SLC25A48: variants seen among roughly 807,000 people sequenced by gnomAD.
SLC25A48 encodes CTC-321K16.1.
Under a neutral mutation model 32.2 loss-of-function variants are expected in SLC25A48, and 29 were observed. That is an observed-to-expected ratio of 0.90 (90% confidence interval 0.67 to 1.23). The LOEUF (loss-of-function observed/expected upper bound fraction) is 1.23, where lower values mean the gene tolerates loss of function less well. SLC25A48 is among the 50% of genes most tolerant of loss of function. The pLI, the probability that SLC25A48 is intolerant of heterozygous loss-of-function variation, is 0.00. For missense variants in SLC25A48, 399 were observed against 422.7 expected (o/e 0.94, Z 0.49); for synonymous variants, 164 against 172.3 (o/e 0.95, Z 0.38).
intron 3 of SLC25A48, chr5:135,652,224 A>G (rs1170550088): frequency 5.2e-6 from 2 of 386,420 alleles, no homozygotes; most frequent in East Asian, 1.4e-4. Context: ...AGCCCCTGAT[A>G]TGACACCATT....
At chr5:135,820,120 C>A (rs6859042) in intron 4 of SLC25A48, among the ~76,000 whole-genome samples, 5 of 152,056 alleles carry the variant, frequency 3.3e-5, no homozygotes, top group African/African-American at 7.2e-5. Context: ...AGACTTGTAC[C>A]TAACCATTTC....
At chr5:135,738,575 C>G (rs905069841) in intron 3 of SLC25A48, among the ~76,000 whole-genome samples, 22 of 152,118 alleles carry the variant, frequency 1.4e-4, no homozygotes, top group African/African-American at 5.3e-4. Flanking sequence ...TGGTTTAGTC[C>G]CAACTTTTAG....
At chr5:135,628,781 C>T (rs1019249936) in intron 1 of SLC25A48, among the ~76,000 whole-genome samples, 1 of 152,140 alleles carries the variant, frequency 6.6e-6, no homozygotes, top group African/African-American at 2.4e-5. Flanking sequence ...CTCTTTCATT[C>T]CCACCTGTCC....
chr5:135,794,492 C>T (rs999340334), intron 3 of SLC25A48, among the ~76,000 whole-genome samples: 7 of 151,810 alleles, frequency 4.6e-5, no homozygotes, highest in Admixed American at 3.3e-4. Flanking sequence ...CTTTCAGCAT[C>T]GCAGTGGGTG....
intron 4 of SLC25A48, among the ~76,000 whole-genome samples, chr5:135,860,396 T>C (rs999029881): frequency 6.6e-6 from 1 of 152,212 alleles, no homozygotes; most frequent in African/African-American, 2.4e-5. Flanking sequence ...AAGCCTGATG[T>C]GTAAGCTTCA....
In SLC25A48 at chr5:135,786,615, C is replaced by T. The variant is rs181420593; in HGVS notation, c.-520-25908C>T. On this transcript the variant is annotated intron_variant, in intron 3 of 10. Transcript: ENST00000646290. ...TGTCACAGTGATTGTACACAATGTA[C>T]GGTTACCCCTAGTGATACTAATTGT... Among the ~76,000 whole-genome samples, 11 of 151,778 alleles carry T rather than the reference C, an allele frequency of 7.2e-5. No homozygotes were observed. In the East Asian group the frequency reaches 1.4e-3, roughly 19 times the overall value.
At chr5:135,845,038 A>G (rs570021508) in intron 2 of SLC25A48, among the ~76,000 whole-genome samples, 10 of 152,374 alleles carry the variant, frequency 6.6e-5, no homozygotes, top group Non-Finnish European at 1.3e-4. Context: ...GCTGTAACAA[A>G]TAACCACAAA....
chr5:135,853,086 G>A (rs1420265916), intron 4 of SLC25A48, among the ~76,000 whole-genome samples: 4 of 152,226 alleles, frequency 2.6e-5, no homozygotes, highest in Non-Finnish European at 5.9e-5. Flanking sequence ...TGTAGTCTAA[G>A]TGTGCAATGG....
At chr5:135,586,089 GAGGAGAAGGTTAAGTATGTTGCCCAAAAT>G (rs1751359794) in intron 1 of SLC25A48, among the ~76,000 whole-genome samples, 1 of 152,188 alleles carries the variant, frequency 6.6e-6, no homozygotes, top group South Asian at 2.1e-4. Flanking sequence ...TGAGGAAACT[GAGGAGAAGGTTAAGTATGTTGCCCAAAAT>G]AACTACCAAG....
chr5:135,762,567 A>G (rs527371398), intron 3 of SLC25A48, among the ~76,000 whole-genome samples: 1 of 152,254 alleles, frequency 6.6e-6, no homozygotes, highest in South Asian at 2.1e-4. Context: ...TATATGCTAT[A>G]TGGGTATATT....
At chr5:135,590,242 T>C (rs771946012) in intron 1 of SLC25A48, among the ~76,000 whole-genome samples, 9 of 152,172 alleles carry the variant, frequency 5.9e-5, no homozygotes, top group Non-Finnish European at 1.2e-4. Context: ...GTGAACTGAC[T>C]CCCAGGGAAC....
At chr5:135,796,370 T>C (rs1418350142) in intron 3 of SLC25A48, among the ~76,000 whole-genome samples, 3 of 148,290 alleles carry the variant, frequency 2.0e-5, no homozygotes, top group Non-Finnish European at 3.0e-5. Flanking sequence ...TAGGGGAGAG[T>C]GTGATATCAC....
chr5:135,851,831 G>C (rs7721974), intron 3 of SLC25A48, among the ~76,000 whole-genome samples: 80,878 of 151,994 alleles, frequency 0.53, 22,322 homozygotes, highest in East Asian at 0.69. Flanking sequence ...CAAGAATGCC[G>C]TGTGGAAGGG....
chr5:135,614,909 G>A (rs576896288), intron 1 of SLC25A48, among the ~76,000 whole-genome samples: 1 of 152,100 alleles, frequency 6.6e-6, no homozygotes, highest in Non-Finnish European at 1.5e-5. Flanking sequence ...TTGTTTAAAA[G>A]TGTGTAGCAC....
At chr5:135,685,014 C>T (rs2126953442) in intron 3 of SLC25A48, among the ~76,000 whole-genome samples, 1 of 152,330 alleles carries the variant, frequency 6.6e-6, no homozygotes. Flanking sequence ...TCAGTTTACA[C>T]TCTCACGAGC....
At chr5:135,656,867 G>C (rs569599698) in intron 3 of SLC25A48, among the ~76,000 whole-genome samples, 10 of 152,316 alleles carry the variant, frequency 6.6e-5, no homozygotes, top group African/African-American at 2.4e-4. Flanking sequence ...ACATGTTTCT[G>C]AGGGACCAAG....
At chr5:135,828,515 G>A (rs376534249) in intron 4 of SLC25A48, among the ~76,000 whole-genome samples, 106 of 152,374 alleles carry the variant, frequency 7.0e-4, no homozygotes, top group African/African-American at 2.2e-3. Context: ...CTCAGGTGCT[G>A]AGGAGGATCA....
rs113248486 is a variant in SLC25A48 at position 135,588,982 on chromosome 5, T to C, written c.-849+9385T>C. Among the ~76,000 whole-genome samples, 1,278 of 152,224 alleles carry C rather than the reference T, an allele frequency of 8.4e-3. 29 individuals carry two copies. Among genetic ancestry groups the C allele is most frequent in the African/African-American group, 0.029 (1,186 of 41,546 alleles). ...CAAAGAACCAAACAAATGATACCAT[T>C]CTGAAGACAGTACAGCATCACTGAA... On this transcript the variant is annotated intron_variant, in intron 1 of 10. Transcript: ENST00000646290.
intron 3 of SLC25A48, among the ~76,000 whole-genome samples, chr5:135,661,060 C>G (rs1209831725): frequency 1.3e-5 from 2 of 152,238 alleles, no homozygotes; most frequent in African/African-American, 4.8e-5. Context: ...GAGAATGAGG[C>G]AGACAGCCCT....
Sources: allele counts gnomAD v4.1 joint callset (sites outside exome capture counted in the v4.1 genomes callset), GRCh38; gene constraint gnomAD v4.1.1; transcripts MANE v1.5; gene names NCBI Gene and HGNC (gene_info 2026-07-23, HGNC 2026-07-21).